The following GALNT13 variants were observed in gnomAD, a reference collection of about 807,000 sequenced individuals.
GALNT13 encodes polypeptide N-acetylgalactosaminyltransferase 13.
GALNT13 carries 28 observed loss-of-function variants against 64.2 expected under a neutral mutation model. The ratio of observed to expected loss-of-function variants is 0.44; its 90% CI spans 0.32 to 0.60. GALNT13 has a LOEUF of 0.60. Among genes scored for constraint, GALNT13 ranks in the 20% least tolerant of loss-of-function variants. GALNT13 has a pLI of 0.05. For synonymous variants in GALNT13, 214 were observed against 224.6 expected, an observed-to-expected ratio of 0.95 and a Z score of 0.42; for missense variants, 577 against 669.8, an observed-to-expected ratio of 0.86 and a Z score of 1.53.
the GALNT13 span, among the ~76,000 whole-genome samples, chr2:153,750,176 C>T: frequency 6.6e-6 from 1 of 151,512 alleles, no homozygotes; most frequent in Non-Finnish European, 1.5e-5. Flanking sequence ...AGAAATAATC[C>T]CCCTTGTTCA....
chr2:154,285,392 G>A (rs2105948274), intron 8 of GALNT13, among the ~76,000 whole-genome samples: 1 of 152,208 alleles, frequency 6.6e-6, no homozygotes, highest in East Asian at 1.9e-4. Flanking sequence ...TTGAGTTGAT[G>A]TTTGTATATG....
intron 3 of GALNT13, among the ~76,000 whole-genome samples, chr2:154,133,582 A>C (rs1348606732): frequency 4.5e-5 from 5 of 112,110 alleles, no homozygotes; most frequent in African/African-American, 7.3e-5. Flanking sequence ...ATATATATAT[A>C]TATCTGAGAT....
intron 11 of GALNT13, among the ~76,000 whole-genome samples, chr2:154,432,573 A>C (rs771321462): frequency 6.6e-6 from 1 of 152,170 alleles, no homozygotes; most frequent in Non-Finnish European, 1.5e-5. Context: ...TCTGAAATCA[A>C]GGTGTCAGAA....
chr2:154,132,612 A>G (rs1010067), intron 3 of GALNT13, among the ~76,000 whole-genome samples: 114,338 of 152,048 alleles, frequency 0.75, 43,390 homozygotes, highest in East Asian at 0.96. Flanking sequence ...AGGGCTGGGC[A>G]CAGTAGCTCA....
At chr2:153,332,368 T>C in the GALNT13 span, among the ~76,000 whole-genome samples, 1 of 152,164 alleles carries the variant, frequency 6.6e-6, no homozygotes, top group Non-Finnish European at 1.5e-5. Context: ...TGTGATATGC[T>C]GTATAATTGT....
chr2:154,149,007 C>T (rs1264480673), intron 4 of GALNT13, among the ~76,000 whole-genome samples: 1 of 152,140 alleles, frequency 6.6e-6, no homozygotes, highest in African/African-American at 2.4e-5. Context: ...CTGCCCATGC[C>T]TATGTGCTGA....
intron 3 of GALNT13, among the ~76,000 whole-genome samples, chr2:154,123,790 A>G (rs891229383): frequency 6.6e-6 from 1 of 152,060 alleles, no homozygotes; most frequent in Non-Finnish European, 1.5e-5. Flanking sequence ...GTATAATTCT[A>G]TGTGTACAAA....
chr2:154,127,852 GTA>G (rs1682384658), intron 3 of GALNT13, among the ~76,000 whole-genome samples: 1 of 151,304 alleles, frequency 6.6e-6, no homozygotes, highest in African/African-American at 2.4e-5. Flanking sequence ...ATTCATATAT[GTA>G]TATACATAAA....
the GALNT13 span, among the ~76,000 whole-genome samples, chr2:153,839,882 G>A: frequency 1.3e-5 from 2 of 151,988 alleles, no homozygotes; most frequent in Non-Finnish European, 2.9e-5. Context: ...TATATTTTAA[G>A]CTAGTAAGTG....
chr2:153,874,162 A>C (rs79143497), intron 1 of GALNT13, among the ~76,000 whole-genome samples: 1 of 143,772 alleles, frequency 7.0e-6, no homozygotes, highest in East Asian at 2.0e-4. Context: ...TCATATTGAA[A>C]CCCTGTTCGT....
chr2:153,652,670 C>T, the GALNT13 span, among the ~76,000 whole-genome samples: 3 of 152,020 alleles, frequency 2.0e-5, no homozygotes, highest in Admixed American at 2.0e-4. Flanking sequence ...TGACACGCAC[C>T]TCTGCACCCT....
the GALNT13 span, among the ~76,000 whole-genome samples, chr2:153,480,960 A>T: frequency 2.6e-5 from 4 of 152,188 alleles, no homozygotes; most frequent in Non-Finnish European, 4.4e-5. Context: ...TATTGCTAGG[A>T]ACAGTATTGC....
At chr2:153,950,632 A>G (rs535711998) in intron 3 of GALNT13, among the ~76,000 whole-genome samples, 42 of 152,258 alleles carry the variant, frequency 2.8e-4, no homozygotes, top group Admixed American at 1.8e-3. Context: ...TCATAAAAAT[A>G]AAGCCTGAAA....
chr2:154,247,667 CA>C (rs34491923), intron 7 of GALNT13, among the ~76,000 whole-genome samples: 1 of 151,958 alleles, frequency 6.6e-6, no homozygotes, highest in African/African-American at 2.4e-5. Context: ...TTAACTAAAC[CA>C]AAAGATGAAT....
chr2:153,508,973 AACAG>A, the GALNT13 span, among the ~76,000 whole-genome samples: 21 of 152,310 alleles, frequency 1.4e-4, no homozygotes, highest in South Asian at 4.1e-3. Flanking sequence ...GCGAAGGTGA[AACAG>A]ACAAAGAAGT....
At position 154,237,296 on chromosome 2, in the gene GALNT13, G is replaced by T. The variant is rs145959020; in HGVS notation, c.312-4734G>T. ...CCTACCTTAATCTTATTATGTAAAA[G>T]ATATAAAAACTGAGGTGAAAAGTGG... On this transcript the variant is annotated intron_variant, in intron 4 of 12. Transcript: ENST00000392825. Among the ~76,000 whole-genome samples the T allele has an allele frequency of 1.7e-3, 254 of 151,670 alleles. 1 individual carries two copies. Among genetic ancestry groups the T allele is most frequent in the African/African-American group, 5.9e-3 (246 of 41,470 alleles).
chr2:154,325,356 C>G (rs529157754), intron 9 of GALNT13, among the ~76,000 whole-genome samples: 1 of 152,124 alleles, frequency 6.6e-6, no homozygotes, highest in Non-Finnish European at 1.5e-5. Context: ...TACCAGAATT[C>G]TCCACCACTT....
At chr2:153,184,856 T>G in the GALNT13 span, among the ~76,000 whole-genome samples, 2 of 152,174 alleles carry the variant, frequency 1.3e-5, no homozygotes, top group African/African-American at 4.8e-5. Context: ...GCTGCTGGAT[T>G]TGGTTTGCCA....
Position 154,090,153 on chromosome 2 carries a change from A to G in GALNT13, c.143-50184A>G, listed in dbSNP as rs907987848. On this transcript the variant is annotated intron_variant, in intron 3 of 12. Coordinates refer to ENST00000392825, the MANE Select transcript of GALNT13 (RefSeq NM_052917.4). ...GATATCTATGCATAACAAGATAAACACTGGGTGATAACTTTAGTGTGGAAT... is the reference window on the plus strand; with the variant it reads ...GATATCTATGCATAACAAGATAAACGCTGGGTGATAACTTTAGTGTGGAAT... Among the ~76,000 whole-genome samples, 3 of 152,210 alleles carry G rather than the reference A, an allele frequency of 2.0e-5. No individual in the cohort carries two copies. In the South Asian group the frequency reaches 6.2e-4, roughly 32 times the overall value.
Sources: gnomAD v4.1 joint callset for allele counts (sites outside exome capture counted in the v4.1 genomes callset) on GRCh38, gnomAD v4.1.1 for gene constraint, MANE v1.5 for transcripts, NCBI Gene and HGNC (gene_info 2026-07-23, HGNC 2026-07-21) for gene names.